The following PLA2G12A variants were observed in gnomAD, a reference collection of about 807,000 sequenced individuals.
The protein encoded by PLA2G12A is group XIIA secretory phospholipase A2.
In PLA2G12A, 11 loss-of-function variants were observed where a neutral mutation model predicts 16.0. The observed-to-expected ratio is 0.69, with a 90% CI of 0.43 to 1.13. The LOEUF is 1.13. Ranked by LOEUF, PLA2G12A falls within the 50% of genes most tolerant of loss-of-function variation. PLA2G12A has a pLI of 0.00. For missense variants in PLA2G12A, 214 were observed against 237.3 expected, an observed-to-expected ratio of 0.90 and a Z score of 0.65; for synonymous variants, 77 against 93.8, an observed-to-expected ratio of 0.82 and a Z score of 1.03.
intron 1 of PLA2G12A, among the ~76,000 whole-genome samples, chr4:109,724,296 T>C (rs569907612): frequency 6.6e-6 from 1 of 152,270 alleles, no homozygotes; most frequent in East Asian, 1.9e-4. Context: ...TGGCTAATCT[T>C]GTATTTTTAG....
At chr4:109,724,436 A>G (rs1722889174) in intron 1 of PLA2G12A, among the ~76,000 whole-genome samples, 1 of 151,852 alleles carries the variant, frequency 6.6e-6, no homozygotes, top group Non-Finnish European at 1.5e-5. Flanking sequence ...TTTTTTAATC[A>G]GAAAGATACT....
At chr4:109,717,248 CT>C (rs1364262375) in intron 3 of PLA2G12A, among the ~76,000 whole-genome samples, 1 of 152,164 alleles carries the variant, frequency 6.6e-6, no homozygotes, top group African/African-American at 2.4e-5. Context: ...ACTTTAGCTA[CT>C]TTAGGTTCTT....
chr4:109,716,686 GCTTT>G (rs763365177), intron 3 of PLA2G12A, among the ~76,000 whole-genome samples: 158 of 152,150 alleles, frequency 1.0e-3, no homozygotes, highest in Non-Finnish European at 1.9e-3. Context: ...TGCTAGTTTG[GCTTT>G]CTATCTCTTC....
At chr4:109,718,485 T>G (rs1169904842) in intron 2 of PLA2G12A, among the ~76,000 whole-genome samples, 198 bp downstream of exon 2, 1 of 152,210 alleles carries the variant, frequency 6.6e-6, no homozygotes, top group Non-Finnish European at 1.5e-5. Context: ...AGTACGAACA[T>G]CTATAAGATT....
chr4:109,717,842 G>T, intron 2 of PLA2G12A, 129 bp from the exon 3 acceptor site: 1 of 904,950 alleles, frequency 1.1e-6, no homozygotes, highest in Non-Finnish European at 1.7e-6. Flanking sequence ...ATCCATTTCT[G>T]CCTACAAATA....
intron 1 of PLA2G12A, among the ~76,000 whole-genome samples, chr4:109,719,485 T>C (rs954342174): frequency 1.3e-5 from 2 of 152,192 alleles, no homozygotes; most frequent in African/African-American, 4.8e-5. Flanking sequence ...GGAAGGCTAA[T>C]GTTCCCCAGT....
At chr4:109,727,132 T>TA (rs1722956902) in intron 1 of PLA2G12A, among the ~76,000 whole-genome samples, 2 of 151,824 alleles carry the variant, frequency 1.3e-5, no homozygotes, top group African/African-American at 4.8e-5. Context: ...TTATTATTAT[T>TA]TTTGAGACAG....
chr4:109,721,678 C>G (rs1229827493), intron 1 of PLA2G12A, among the ~76,000 whole-genome samples: 2 of 152,178 alleles, frequency 1.3e-5, no homozygotes, highest in Non-Finnish European at 2.9e-5. Context: ...CAAGGGCCTA[C>G]AGAGGAAGGT....
intron 1 of PLA2G12A, among the ~76,000 whole-genome samples, chr4:109,727,261 C>T (rs1041163141): frequency 6.6e-6 from 1 of 152,006 alleles, no homozygotes; most frequent in Non-Finnish European, 1.5e-5. Flanking sequence ...CAGGTGTGCA[C>T]CACCATGCCC....
Position 109,714,420 on chromosome 4 carries a change from C to T in PLA2G12A, c.527G>A (p.Arg176Gln), listed in dbSNP as rs1485874019. 7 of 1,614,052 alleles carry T rather than the reference C, an allele frequency of 4.3e-6. No individual in the cohort carries two copies. The highest frequency in any genetic ancestry group is 3.3e-5 in the Admixed American group (2 of 60,010). ...TTCATAATGACACCTGCATGCGGCT[C>T]GTTGGCTGTCCAGATATGGTTTACA... ...LGCKPYLDSQ[R>Q]AACRCHYEEK... The change falls in exon 4 of 4, where the codon CGA (arginine) becomes CAA (glutamine). Residue 176 changes from arginine (R) to glutamine (Q), a missense_variant. Arg to Gln is a conservative substitution (Grantham distance 43). Coordinates refer to ENST00000243501, the MANE Select transcript of PLA2G12A (RefSeq NM_030821.5).
chr4:109,720,474 G>C (rs1197807090), intron 1 of PLA2G12A, among the ~76,000 whole-genome samples: 1 of 150,288 alleles, frequency 6.7e-6, no homozygotes, highest in African/African-American at 2.4e-5. Flanking sequence ...GCTGGGCGTG[G>C]TGGCTCACGC....
intron 2 of PLA2G12A, among the ~76,000 whole-genome samples, chr4:109,718,113 A>G (rs76872139): frequency 0.089 from 13,623 of 152,244 alleles, 777 homozygotes; most frequent in African/African-American, 0.16. Context: ...CTTCCAAATA[A>G]AATTTACTTT....
intron 1 of PLA2G12A, 121 bp from the exon 2 acceptor site, chr4:109,718,880 A>C: frequency 3.1e-6 from 2 of 644,282 alleles, no homozygotes; most frequent in Non-Finnish European, 5.3e-6. Context: ...GGATGCTAAC[A>C]TAAGTGCATA....
intron 3 of PLA2G12A, among the ~76,000 whole-genome samples, chr4:109,715,071 A>G (rs1265179410): frequency 6.6e-6 from 1 of 152,106 alleles, no homozygotes; most frequent in Non-Finnish European, 1.5e-5. Context: ...TTGTCTTCCC[A>G]AAGTGCTGGG....
chr4:109,728,035 C>T (rs1289772574), intron 1 of PLA2G12A, among the ~76,000 whole-genome samples: 1 of 152,202 alleles, frequency 6.6e-6, no homozygotes, highest in Non-Finnish European at 1.5e-5. Flanking sequence ...CTCCTCAGGT[C>T]CATTGCACTT....
intron 1 of PLA2G12A, among the ~76,000 whole-genome samples, chr4:109,720,278 A>G (rs1422245791): frequency 1.3e-5 from 2 of 152,042 alleles, no homozygotes; most frequent in Admixed American, 1.3e-4. Context: ...TCCAAATACA[A>G]CCCCACAGTT....
chr4:109,720,628 T>TAC (rs1730921525), intron 1 of PLA2G12A, among the ~76,000 whole-genome samples: 1 of 116,796 alleles, frequency 8.6e-6, no homozygotes, highest in Non-Finnish European at 1.7e-5. Flanking sequence ...TATATATATA[T>TAC]ATATATATAT....
At chr4:109,721,319 CT>C (rs531961276) in intron 1 of PLA2G12A, among the ~76,000 whole-genome samples, 5,378 of 136,492 alleles carry the variant, frequency 0.039, 276 homozygotes, top group African/African-American at 0.13. Flanking sequence ...GTCCTTCATT[CT>C]TTTTTTTTTT....
intron 2 of PLA2G12A, among the ~76,000 whole-genome samples, chr4:109,718,020 A>C (rs958936010): frequency 6.6e-6 from 1 of 152,214 alleles, no homozygotes; most frequent in African/African-American, 2.4e-5. Flanking sequence ...TTAAAAAAAG[A>C]AAGATGAGGC....
Sources: gnomAD v4.1 joint callset for allele counts (sites outside exome capture counted in the v4.1 genomes callset) on GRCh38, gnomAD v4.1.1 for gene constraint, MANE v1.5 for transcripts, NCBI Gene and HGNC (gene_info 2026-07-23, HGNC 2026-07-21) for gene names.